The following ANO2 variants were observed in gnomAD, a reference collection of about 807,000 sequenced individuals.
ANO2 encodes anoctamin-2.
A neutral mutation model predicts 124.2 loss-of-function variants in ANO2; 101 were observed. The ratio of observed to expected loss-of-function variants is 0.81; its 90% CI spans 0.69 to 0.96. The LOEUF (loss-of-function observed/expected upper bound fraction) is 0.96, where lower values mean the gene tolerates loss of function less well. ANO2 is among the 40% of genes least tolerant of loss of function. The pLI, the probability that ANO2 is intolerant of heterozygous loss-of-function variation, is 0.00. For missense variants in ANO2, 1,293 were observed against 1,274.5 expected, an observed-to-expected ratio of 1.01 and a Z score of -0.22; for synonymous variants, 486 against 482.5, an observed-to-expected ratio of 1.01 and a Z score of -0.09.
chr12:5,583,298 T>C (rs1591665519), intron 20 of ANO2, among the ~76,000 whole-genome samples: 3 of 152,262 alleles, frequency 2.0e-5, no homozygotes, highest in South Asian at 2.1e-4. Flanking sequence ...TCGAAGAAAG[T>C]TGTAGTAAAA....
chr12:5,623,661 T>C (rs1401783199), intron 16 of ANO2, among the ~76,000 whole-genome samples: 1 of 152,200 alleles, frequency 6.6e-6, no homozygotes, highest in Admixed American at 6.5e-5. Flanking sequence ...GGACGCCAGC[T>C]GCAGGCTCTG....
chr12:5,869,618 T>A (rs531976425), intron 3 of ANO2, among the ~76,000 whole-genome samples: 1 of 152,230 alleles, frequency 6.6e-6, no homozygotes, highest in South Asian at 2.1e-4. Flanking sequence ...CTCAGTCAAC[T>A]GCTTGTTTAA....
At chr12:5,837,561 G>A (rs1239952224) in intron 4 of ANO2, among the ~76,000 whole-genome samples, 1 of 143,882 alleles carries the variant, frequency 7.0e-6, no homozygotes, top group Non-Finnish European at 1.5e-5. Context: ...CCACCTATGA[G>A]TGAGAATATG....
At chr12:5,855,175 C>G (rs1394401338) in intron 3 of ANO2, among the ~76,000 whole-genome samples, 1 of 152,136 alleles carries the variant, frequency 6.6e-6, no homozygotes, top group Non-Finnish European at 1.5e-5. Flanking sequence ...ATCCTTCATT[C>G]CGCCCTCTGA....
At chr12:5,859,540 CT>C (rs1263444825) in intron 3 of ANO2, among the ~76,000 whole-genome samples, 43 of 147,194 alleles carry the variant, frequency 2.9e-4, no homozygotes, top group Middle Eastern at 3.5e-3. Context: ...GTCTCTCTCT[CT>C]TTTTTTTTTT....
intron 14 of ANO2, among the ~76,000 whole-genome samples, chr12:5,692,058 T>A (rs1432139827): frequency 6.6e-6 from 1 of 152,074 alleles, no homozygotes; most frequent in Non-Finnish European, 1.5e-5. Context: ...TGATTTACAG[T>A]CCAGAAAGCT....
At chr12:5,701,228 T>G (rs185945386) in intron 14 of ANO2, among the ~76,000 whole-genome samples, 1 of 152,106 alleles carries the variant, frequency 6.6e-6, no homozygotes, top group Admixed American at 6.5e-5. Context: ...TCCAAGCTGT[T>G]TCTAAATTTC....
chr12:5,863,199 A>T (rs1337206284), intron 3 of ANO2, among the ~76,000 whole-genome samples: 2 of 152,090 alleles, frequency 1.3e-5, no homozygotes, highest in African/African-American at 4.8e-5. Context: ...ACCCTCCAAC[A>T]TATCAAGGGT....
At position 5,888,393 on chromosome 12, in the gene ANO2, G is replaced by A. The variant is rs150689021; in HGVS notation, c.534+32647C>T. ...GAACAAACCTTCCACAGTGTGGAAG[G>A]GGACGCCAGCGGATTGCCACCGCTG... is the stretch of plus-strand genomic sequence containing the variant. On this transcript the variant is annotated intron_variant, in intron 3 of 24. Transcript: ENST00000682330. Among the ~76,000 whole-genome samples the A allele has an allele frequency of 5.9e-3, 897 of 152,190 alleles. 13 individuals carry two copies. Among genetic ancestry groups the A allele is most frequent in the African/African-American group, 0.02 (830 of 41,500 alleles).
rs187341912 is a variant in ANO2 at position 5,734,423 on chromosome 12, T to C, written c.1435-1793A>G. ...CTTTCAGTGAGTTCCAGAACATGGG[T>C]TCTACATCTCTTCAAGCCAGAGGAG... On this transcript the variant is annotated intron_variant, in intron 13 of 24. Coordinates refer to ENST00000682330, the MANE Select transcript of ANO2 (RefSeq NM_001364791.2). Among the ~76,000 whole-genome samples, 32 of 152,288 alleles carry C rather than the reference T, an allele frequency of 2.1e-4. No homozygotes were observed. The East Asian group carries it at 6.0e-3, about 29-fold the overall frequency.
At chr12:5,624,928 G>A (rs1190605325) in intron 16 of ANO2, among the ~76,000 whole-genome samples, 1 of 152,148 alleles carries the variant, frequency 6.6e-6, no homozygotes, top group African/African-American at 2.4e-5. Context: ...CAGGGGCTGG[G>A]GAGAGCTCTA....
intron 15 of ANO2, among the ~76,000 whole-genome samples, chr12:5,640,246 T>C (rs2136945622): frequency 6.6e-6 from 1 of 152,306 alleles, no homozygotes; most frequent in East Asian, 1.9e-4. Flanking sequence ...TGGCATCTTC[T>C]GCCTAGGTTC....
chr12:5,759,513 C>G (rs917057438), intron 10 of ANO2, among the ~76,000 whole-genome samples: 1 of 151,488 alleles, frequency 6.6e-6, no homozygotes, highest in African/African-American at 2.4e-5. Flanking sequence ...GCAGAGTGAA[C>G]CATCATTACT....
chr12:5,793,013 C>T (rs752351135), intron 10 of ANO2, among the ~76,000 whole-genome samples: 1 of 152,128 alleles, frequency 6.6e-6, no homozygotes, highest in South Asian at 2.1e-4. Flanking sequence ...GGGGAACACA[C>T]GTTGATATGG....
intron 10 of ANO2, among the ~76,000 whole-genome samples, chr12:5,796,019 A>C (rs1952833563): frequency 6.6e-6 from 1 of 152,182 alleles, no homozygotes; most frequent in Non-Finnish European, 1.5e-5. Context: ...CTGACAAGGC[A>C]CAAGTGCTGC....
chr12:5,801,314 C>A (rs996121108), intron 9 of ANO2, among the ~76,000 whole-genome samples: 3 of 152,228 alleles, frequency 2.0e-5, no homozygotes, highest in African/African-American at 7.2e-5. Context: ...AAAGGGTCAT[C>A]ATTAGACCTC....
intron 14 of ANO2, among the ~76,000 whole-genome samples, chr12:5,731,446 T>A (rs1467999725): frequency 1.3e-5 from 2 of 152,044 alleles, no homozygotes; most frequent in African/African-American, 2.4e-5. Flanking sequence ...CATGTTAACA[T>A]GAATGGTTCC....
At chr12:5,568,876 T>A (rs886907476) in intron 23 of ANO2, among the ~76,000 whole-genome samples, 1 of 152,242 alleles carries the variant, frequency 6.6e-6, no homozygotes, top group African/African-American at 2.4e-5. Flanking sequence ...ATCTATAAAG[T>A]GGGCCTGAAC....
chr12:5,817,705 G>C (rs192998346), intron 7 of ANO2, among the ~76,000 whole-genome samples: 1 of 152,182 alleles, frequency 6.6e-6, no homozygotes, highest in Non-Finnish European at 1.5e-5. Context: ...AGGAGAGAGA[G>C]AGGAGAGAAG....
Sources: gnomAD v4.1 joint callset for allele counts (sites outside exome capture counted in the v4.1 genomes callset) on GRCh38, gnomAD v4.1.1 for gene constraint, MANE v1.5 for transcripts, NCBI Gene and HGNC (gene_info 2026-07-23, HGNC 2026-07-21) for gene names.